Variants in ASH1L observed in about 807,000 individuals in gnomAD.
ASH1L encodes ASH1 like histone lysine methyltransferase, also known as histone-lysine N-methyltransferase ASH1L.
In ASH1L, 23 loss-of-function variants were observed where a neutral mutation model predicts 269.0. The observed-to-expected ratio is 0.09, with a 90% CI of 0.06 to 0.12. ASH1L has a LOEUF of 0.12. Ranked by LOEUF, ASH1L falls within the 10% of genes least tolerant of loss-of-function variation. ASH1L has a pLI of 1.00. For missense variants in ASH1L, 2,912 were observed against 3,567.8 expected (o/e 0.82, Z 4.68); for synonymous variants, 1,187 against 1,253.5 (o/e 0.95, Z 1.12).
At chr1:155,411,005 A>G (rs1006720154) in intron 6 of ASH1L, among the ~76,000 whole-genome samples, 2 of 152,194 alleles carry the variant, frequency 1.3e-5, no homozygotes, top group African/African-American at 2.4e-5. Context: ...AGTGAACCCT[A>G]AAGTAACTAC....
intron 17 of ASH1L, among the ~76,000 whole-genome samples, chr1:155,350,478 G>T (rs1192380019): frequency 6.6e-6 from 1 of 152,130 alleles, no homozygotes; most frequent in Non-Finnish European, 1.5e-5. Context: ...GTAATGAGAA[G>T]AACTTCCTGT....
chr1:155,385,729 T>G (rs1362385496), intron 7 of ASH1L, among the ~76,000 whole-genome samples: 1 of 152,184 alleles, frequency 6.6e-6, no homozygotes, highest in East Asian at 1.9e-4. Flanking sequence ...AAATTTGTAT[T>G]TTAGCTGGCT....
In ASH1L at chr1:155,560,617, C is replaced by T. The variant is rs1439689442; in HGVS notation, c.-100+1536G>A. ...TGTACCCAGGCTATTTACAGAGACA[C>T]CTTGATTATCCTCACGCCAAGGCAT... On this transcript the variant is annotated intron_variant, in intron 1 of 27. Coordinates refer to ENST00000392403, the MANE Select transcript of ASH1L (RefSeq NM_018489.3). Among the ~76,000 whole-genome samples the T allele has an allele frequency of 2.0e-5, 3 of 152,126 alleles. 1 individual carries two copies. Among genetic ancestry groups the T allele is most frequent in the Admixed American group, 1.3e-4 (2 of 15,268 alleles).
chr1:155,363,230 G>C (rs372663565), intron 12 of ASH1L, among the ~76,000 whole-genome samples: 28 of 152,224 alleles, frequency 1.8e-4, no homozygotes, highest in African/African-American at 6.7e-4. Flanking sequence ...TGATCCGCCT[G>C]CCTTGGCCTC....
chr1:155,388,734 A>G (rs1258389205), intron 7 of ASH1L, among the ~76,000 whole-genome samples: 1 of 85,908 alleles, frequency 1.2e-5, no homozygotes, highest in Non-Finnish European at 2.3e-5. Flanking sequence ...TTTTTTTTTC[A>G]TAGAAAACAG....
intron 7 of ASH1L, among the ~76,000 whole-genome samples, chr1:155,382,777 G>A (rs1657096088): frequency 6.6e-6 from 1 of 151,902 alleles, no homozygotes; most frequent in African/African-American, 2.4e-5. Context: ...CCAGCCTGGA[G>A]TACAATAGCA....
At chr1:155,544,411 C>T (rs921455973) in intron 1 of ASH1L, among the ~76,000 whole-genome samples, 4 of 151,852 alleles carry the variant, frequency 2.6e-5, no homozygotes, top group African/African-American at 4.8e-5. Flanking sequence ...CTCAGCCTCC[C>T]GAGTAGCTGG....
chr1:155,465,086 C>T (rs1244551679), intron 3 of ASH1L, among the ~76,000 whole-genome samples: 1 of 152,004 alleles, frequency 6.6e-6, no homozygotes, highest in Non-Finnish European at 1.5e-5. Flanking sequence ...AGTAATGCTA[C>T]TTTTACAGAT....
chr1:155,453,171 A>G (rs1348956819), intron 4 of ASH1L, among the ~76,000 whole-genome samples: 1 of 151,552 alleles, frequency 6.6e-6, no homozygotes, highest in African/African-American at 2.4e-5. Context: ...CCTGGCTAAC[A>G]TGGCAAAACC....
intron 12 of ASH1L, among the ~76,000 whole-genome samples, chr1:155,365,372 A>ATTTTT (rs142145021): frequency 4.5e-4 from 56 of 124,230 alleles, no homozygotes; most frequent in African/African-American, 1.5e-3. Flanking sequence ...TGCCCGGCTG[A>ATTTTT]TTTTTTTTTT....
At chr1:155,546,945 CTTTTTTTTT>C (rs71080709) in intron 1 of ASH1L, among the ~76,000 whole-genome samples, 7 of 88,162 alleles carry the variant, frequency 7.9e-5, no homozygotes, top group African/African-American at 2.8e-4. Flanking sequence ...TCATCACATT[CTTTTTTTTT>C]TTTTTTTTTT....
At chr1:155,364,923 A>T (rs970423294) in intron 12 of ASH1L, among the ~76,000 whole-genome samples, 3 of 109,442 alleles carry the variant, frequency 2.7e-5, no homozygotes, top group East Asian at 2.1e-4. Context: ...GCTCTGTCTT[A>T]AAAAAAAAAA....
intron 2 of ASH1L, among the ~76,000 whole-genome samples, chr1:155,492,212 C>T (rs1486712561): frequency 6.6e-6 from 1 of 151,164 alleles, no homozygotes; most frequent in Non-Finnish European, 1.5e-5. Context: ...GAATGCCTGG[C>T]TAATTCTGTA....
intron 1 of ASH1L, among the ~76,000 whole-genome samples, chr1:155,526,367 C>T (rs903963317): frequency 2.6e-5 from 4 of 152,166 alleles, no homozygotes; most frequent in African/African-American, 9.7e-5. Context: ...GTTTATATTT[C>T]ACATAGGTGG....
chr1:155,421,223 T>C (rs1424304179), intron 5 of ASH1L, among the ~76,000 whole-genome samples: 7 of 135,130 alleles, frequency 5.2e-5, no homozygotes, highest in East Asian at 2.4e-4. Context: ...AGGAAGATTC[T>C]GTGTCTTAAA....
At chr1:155,339,616 C>T (rs1159295147) in intron 25 of ASH1L, among the ~76,000 whole-genome samples, 3 of 152,182 alleles carry the variant, frequency 2.0e-5, no homozygotes, top group East Asian at 1.9e-4. Context: ...CTTTTAAATA[C>T]AGTCATATGT....
chr1:155,524,324 A>C (rs991148271), intron 1 of ASH1L, among the ~76,000 whole-genome samples: 10 of 151,538 alleles, frequency 6.6e-5, no homozygotes, highest in Non-Finnish European at 2.9e-5. Context: ...GATCGAGACC[A>C]TCCTAGCTAA....
chr1:155,519,825 T>C (rs533325672), intron 2 of ASH1L, among the ~76,000 whole-genome samples: 20 of 152,000 alleles, frequency 1.3e-4, no homozygotes, highest in Non-Finnish European at 4.4e-5. Flanking sequence ...GGTTGGCTAA[T>C]TTTTTGTATT....
chr1:155,494,145 A>C (rs752953594), intron 2 of ASH1L, among the ~76,000 whole-genome samples: 1 of 152,232 alleles, frequency 6.6e-6, no homozygotes, highest in Non-Finnish European at 1.5e-5. Context: ...GAAAGTTCTG[A>C]TTGAAAACTC....
Sources: allele counts gnomAD v4.1 joint callset (sites outside exome capture counted in the v4.1 genomes callset), GRCh38; gene constraint gnomAD v4.1.1; transcripts MANE v1.5; gene names NCBI Gene and HGNC (gene_info 2026-07-23, HGNC 2026-07-21).